PPP1R12A: variants seen among roughly 807,000 people sequenced by gnomAD.
PPP1R12A encodes myosin binding subunit.
A neutral mutation model predicts 139.6 loss-of-function variants in PPP1R12A; 19 were observed. The ratio of observed to expected loss-of-function variants is 0.14; its 90% confidence interval spans 0.09 to 0.20. The LOEUF is 0.20. Ranked by LOEUF, PPP1R12A falls within the 10% of genes least tolerant of loss-of-function variation. PPP1R12A has a pLI of 1.00. For synonymous variants in PPP1R12A, 427 were observed against 420.6 expected, an observed-to-expected ratio of 1.02 and a Z score of -0.19; for missense variants, 925 against 1,211.5, an observed-to-expected ratio of 0.76 and a Z score of 3.51.
chr12:79,921,134 A>G (rs528548474), intron 1 of PPP1R12A, among the ~76,000 whole-genome samples: 4 of 152,288 alleles, frequency 2.6e-5, no homozygotes, highest in Admixed American at 2.6e-4. Flanking sequence ...GACCTTTAAT[A>G]TATGTTAAAT....
In PPP1R12A at chr12:79,903,700, C is replaced by T. The variant is rs1394245453; in HGVS notation, c.238-30762G>A. 3.9e-5 allele frequency among the ~76,000 whole-genome samples: 6 copies of T among 152,226 alleles called. No homozygotes were observed. In the South Asian group the frequency reaches 8.3e-4, roughly 21 times the overall value. Reference sequence around the variant, plus strand: ...ATCTTGATACTGTGTCCATGTCTCGCTTTCTAGTTTCACGCATAAATGCTA... The same window carrying T: ...ATCTTGATACTGTGTCCATGTCTCGTTTTCTAGTTTCACGCATAAATGCTA... On this transcript the variant is annotated intron_variant, in intron 1 of 24. Transcript: ENST00000450142.
chr12:79,871,724 C>T (rs973193803), intron 2 of PPP1R12A, among the ~76,000 whole-genome samples: 3 of 151,946 alleles, frequency 2.0e-5, no homozygotes, highest in Non-Finnish European at 4.4e-5. Context: ...AGATCTAAGT[C>T]TTCTGTTGAG....
chr12:79,843,603 CAA>C (rs992075681), intron 3 of PPP1R12A, among the ~76,000 whole-genome samples: 15 of 121,908 alleles, frequency 1.2e-4, no homozygotes, highest in Admixed American at 5.8e-4. Flanking sequence ...GACTCTGTCT[CAA>C]AAAAAAATAT....
In PPP1R12A at chr12:79,822,209, G is replaced by T; in HGVS notation, c.793-19C>A. 1.3e-6 allele frequency: 2 copies of T among 1,536,598 alleles called. No homozygotes were observed. Among genetic ancestry groups the T allele is most frequent in the South Asian group, 1.2e-5 (1 of 85,080 alleles). On this transcript the variant is annotated intron_variant, in intron 5 of 24. Coordinates refer to ENST00000450142, the MANE Select transcript of PPP1R12A (RefSeq NM_002480.3). ...TTTGGCCCTACGTAGGAAACAAGGG[G>T]GGATGGTGATGGTCAAAAGTCAATA...
At chr12:79,882,156 C>A (rs1883695541) in intron 1 of PPP1R12A, among the ~76,000 whole-genome samples, 1 of 152,212 alleles carries the variant, frequency 6.6e-6, no homozygotes, top group Admixed American at 6.5e-5. Context: ...TCTCCACTTT[C>A]ATGTCTTCGT....
rs569792601 is a variant in PPP1R12A at position 79,855,082 on chromosome 12, G to A, written c.369-9662C>T. On this transcript the variant is annotated intron_variant, in intron 2 of 24. Coordinates refer to ENST00000450142, the MANE Select transcript of PPP1R12A (RefSeq NM_002480.3). The stretch of plus-strand genomic sequence containing the variant: ...CCGCTCACTGTAAGCTCCGCCTCCC[G>A]GGTTCATGCCATTCTCCTGCTTCAG... 2.3e-3 allele frequency among the ~76,000 whole-genome samples: 355 copies of A among 152,066 alleles called. 1 individual carries two copies. The highest frequency in any genetic ancestry group is 8.2e-3 in the African/African-American group (338 of 41,458).
chr12:79,889,871 T>C (rs1002681496), intron 1 of PPP1R12A, among the ~76,000 whole-genome samples: 2 of 152,152 alleles, frequency 1.3e-5, no homozygotes, highest in African/African-American at 2.4e-5. Flanking sequence ...CTGACTCATA[T>C]ACGTATCCTC....
intron 9 of PPP1R12A, among the ~76,000 whole-genome samples, chr12:79,815,951 T>C (rs905603767): frequency 1.3e-5 from 2 of 150,402 alleles, no homozygotes; most frequent in African/African-American, 2.4e-5. Flanking sequence ...CTTGGGAAGT[T>C]TGAGAGAAGG....
chr12:79,812,381 T>TGTGTGTG (rs1565753645), intron 9 of PPP1R12A, among the ~76,000 whole-genome samples: 13 of 89,002 alleles, frequency 1.5e-4, no homozygotes, highest in Non-Finnish European at 3.2e-4. Context: ...CTTGACTGAC[T>TGTGTGTG]CTGTGTGTGC....
intron 4 of PPP1R12A, among the ~76,000 whole-genome samples, chr12:79,831,869 T>TAG (rs1457844084): frequency 6.6e-6 from 1 of 152,222 alleles, no homozygotes; most frequent in African/African-American, 2.4e-5. Context: ...AGTGTGCTAA[T>TAG]AGTACTAAGT....
chr12:79,848,747 T>C (rs1255261269), intron 2 of PPP1R12A: 1 of 152,122 alleles, frequency 6.6e-6, no homozygotes, highest in Non-Finnish European at 1.5e-5. Flanking sequence ...CAAAGGCACA[T>C]TTGAAAAAAT....
intron 4 of PPP1R12A, among the ~76,000 whole-genome samples, chr12:79,832,078 A>G: frequency 6.6e-6 from 1 of 152,200 alleles, no homozygotes; most frequent in Non-Finnish European, 1.5e-5. Flanking sequence ...CACAGAGAAT[A>G]GGTGACTGAC....
chr12:79,933,292 A>G (rs1269266090), intron 1 of PPP1R12A, among the ~76,000 whole-genome samples: 2 of 152,218 alleles, frequency 1.3e-5, no homozygotes, highest in Non-Finnish European at 2.9e-5. Context: ...CAAAGGCTAT[A>G]CTCCAAGTCT....
At chr12:79,831,619 G>A (rs1290224598) in intron 4 of PPP1R12A, among the ~76,000 whole-genome samples, 1 of 152,128 alleles carries the variant, frequency 6.6e-6, no homozygotes, top group Non-Finnish European at 1.5e-5. Flanking sequence ...TGAATTAGAA[G>A]CAATATATTA....
At chr12:79,935,452 A>T, upstream of PPP1R12A, 10 of 988,038 alleles carry the variant, frequency 1.0e-5, no homozygotes, top group Non-Finnish European at 1.2e-5. Context: ...TACAGGGCAG[A>T]TCTGCCTCCC....
chr12:79,813,415 G>A (rs188421619), intron 9 of PPP1R12A, among the ~76,000 whole-genome samples: 301 of 152,112 alleles, frequency 2.0e-3, no homozygotes, highest in Non-Finnish European at 3.1e-3. Context: ...ACATCTGTAC[G>A]TTTCGATTGG....
intron 1 of PPP1R12A, among the ~76,000 whole-genome samples, chr12:79,894,117 A>G (rs2137437925): frequency 6.6e-6 from 1 of 152,320 alleles, no homozygotes; most frequent in Non-Finnish European, 1.5e-5. Flanking sequence ...CTACCTTTAT[A>G]GTGACATAAC....
At chr12:79,778,193 A>T (rs1036914364) in intron 24 of PPP1R12A, among the ~76,000 whole-genome samples, 3 of 150,640 alleles carry the variant, frequency 2.0e-5, no homozygotes, top group African/African-American at 7.5e-5. Flanking sequence ...AAAAAACATG[A>T]AAGTATATAG....
intron 9 of PPP1R12A, among the ~76,000 whole-genome samples, chr12:79,810,983 T>C (rs1393091240): frequency 2.6e-5 from 4 of 152,190 alleles, no homozygotes; most frequent in South Asian, 2.1e-4. Context: ...CAAATATTTA[T>C]GCTATTTTAA....
Sources: gnomAD v4.1 joint callset for allele counts (sites outside exome capture counted in the v4.1 genomes callset) on GRCh38, gnomAD v4.1.1 for gene constraint, MANE v1.5 for transcripts, NCBI Gene and HGNC (gene_info 2026-07-23, HGNC 2026-07-21) for gene names.